CCL24: variants seen among roughly 807,000 people sequenced by gnomAD.
CCL24 encodes the protein C-C motif chemokine 24.
CCL24 carries 6 observed loss-of-function variants against 8.6 expected under a neutral mutation model. The ratio of observed to expected loss-of-function variants is 0.70; its 90% CI spans 0.38 to 1.38. CCL24 has a LOEUF of 1.38. CCL24 is among the 40% of genes most tolerant of loss of function. The pLI is 0.02. For synonymous variants in CCL24, 59 were observed against 52.7 expected (o/e 1.12, Z -0.52); for missense variants, 126 against 147.1 (o/e 0.86, Z 0.74).
chr7:75,814,896 C>T (rs781893297), upstream of CCL24, among the ~76,000 whole-genome samples: 28 of 152,064 alleles, frequency 1.8e-4, no homozygotes, highest in African/African-American at 3.4e-4. Context: ...CCCCTTCCCG[C>T]GCCGACCAGA....
At chr7:75,822,737 G>A (rs552539829) in intron 1 of CCL24, among the ~76,000 whole-genome samples, 1 of 152,200 alleles carries the variant, frequency 6.6e-6, no homozygotes, top group Non-Finnish European at 1.5e-5. Flanking sequence ...GTTGAGGCAT[G>A]AGAATTGCTT....
intron 2 of CCL24, among the ~76,000 whole-genome samples, chr7:75,812,930 G>GAAAA (rs782147186): frequency 5.1e-4 from 73 of 143,100 alleles, no homozygotes; most frequent in African/African-American, 1.3e-3. Context: ...TGTCTCAGGG[G>GAAAA]AAAAAAAAAA....
Position 75,813,420 on chromosome 7 carries a change from G to C in CCL24, c.77C>G (p.Ser26Cys), listed in dbSNP as rs1554533717. The C allele has an allele frequency of 1.9e-6, 3 of 1,600,462 alleles. No homozygotes were observed. The highest frequency in any genetic ancestry group is 2.7e-5 in the African/African-American group (2 of 74,600). ...VCAHHIIPTG[S>C]VVIPSPCCMF... ...GCAGCAGGGAGAGGGGATGACCACA[G>C]AGCCTAGAAGAGGAGAGAGAGAAGA... The change falls in exon 2 of 3, where the codon TCT becomes TGT. Residue 26 changes from serine to cysteine, a missense_variant. Coordinates refer to ENST00000222902, the MANE Select transcript of CCL24 (RefSeq NM_002991.3).
At position 75,819,290 on chromosome 7, in the gene CCL24, AAAAAAAAAAAAAAATATATATATAT is replaced by A. The variant is rs1216437490; in HGVS notation, c.-60+4007_-60+4031del. Reference sequence around the variant, plus strand: ...TCTCAAAAAAAAAAAAAAAAAAAAAAAAAAAAAAAAAAAATATATATATATATATATATATATATATATATATTCA... The same window carrying A: ...TCTCAAAAAAAAAAAAAAAAAAAAAAATATATATATATATATATATATTCA... On this transcript the variant is annotated intron_variant, in intron 1 of 3. Coordinates refer to the CCL24 transcript ENST00000416943. Among the ~76,000 whole-genome samples, 18 of 28,966 alleles carry A rather than the reference AAAAAAAAAAAAAAATATATATATAT, an allele frequency of 6.2e-4. 2 individuals carry two copies. Among genetic ancestry groups the A allele is most frequent in the East Asian group, 2.4e-3 (2 of 844 alleles). The allele number at this position is 28,966 out of a possible 152,430, so 19.0% of individuals were successfully genotyped here.
upstream of CCL24, among the ~76,000 whole-genome samples, chr7:75,815,354 A>G (rs1554534007): frequency 6.6e-6 from 1 of 151,340 alleles, no homozygotes; most frequent in Non-Finnish European, 1.5e-5. Context: ...AAAAAAAAAA[A>G]AGAAAGGCTG....
intron 2 of CCL24, 133 bp from the exon 3 acceptor site, chr7:75,812,097 C>T: frequency 1.5e-6 from 1 of 675,450 alleles, no homozygotes; most frequent in Non-Finnish European, 2.5e-6. Context: ...ATGTCATCTT[C>T]ATTTTTTGAC....
At chr7:75,812,476 A>G (rs11465307) in intron 2 of CCL24, among the ~76,000 whole-genome samples, 34,854 of 151,772 alleles carry the variant, frequency 0.23, 4,516 homozygotes, top group Non-Finnish European at 0.29. Flanking sequence ...GACACATGTC[A>G]GCCCACGTGA....
chr7:75,819,306 ATATATAT>A (rs1304796006), intron 1 of CCL24, among the ~76,000 whole-genome samples: 4 of 13,264 alleles, frequency 3.0e-4, no homozygotes, highest in African/African-American at 4.3e-4. Flanking sequence ...AAAAAAAAAT[ATATATAT>A]ATATATATAT....
chr7:75,811,884 G>C lies in CCL24; in HGVS notation c.272C>G (p.Ala91Gly). 2 of 1,611,798 alleles carry C rather than the reference G, an allele frequency of 1.2e-6. No homozygotes were observed. The highest frequency in any genetic ancestry group is 4.5e-5 in the East Asian group (2 of 44,682). Residue 91 changes from alanine (A) to glycine (G), a missense_variant, in exon 3 of 3, where the codon GCC becomes GGC. Coordinates refer to ENST00000222902, the MANE Select transcript of CCL24 (RefSeq NM_002991.3). ...WVQRYMKNLDAKQKKASPRAR... is the reference protein window; with the variant it reads ...WVQRYMKNLDGKQKKASPRAR... ...CCTAGGGGAAGCCTTCTTCTGCTTG[G>C]CGTCCAGGTTCTTCATGTACCTCTG...
chr7:75,817,770 T>A (rs1803923030), upstream of CCL24, among the ~76,000 whole-genome samples: 3 of 151,952 alleles, frequency 2.0e-5, no homozygotes, highest in Admixed American at 2.0e-4. Context: ...CCCAAAGTGC[T>A]GGGATTACAG....
chr7:75,813,250 TG>T, intron 2 of CCL24, 55 bp downstream of exon 2: 1 of 1,056,596 alleles, frequency 9.5e-7, no homozygotes, highest in Non-Finnish European at 1.5e-6. Flanking sequence ...TCAGGGACCC[TG>T]GAGTTGCACC....
rs1344147507 is a variant in CCL24 at position 75,813,403 on chromosome 7, G to T, written c.94C>A (p.Pro32Thr). 1 of 1,612,156 alleles carries T rather than the reference G, an allele frequency of 6.2e-7. No homozygotes were observed. The highest frequency in any genetic ancestry group is 1.1e-5 in the South Asian group (1 of 91,044). The part of the protein sequence containing the change: ...IPTGSVVIPS[P>T]CCMFFVSKRI... The stretch of plus-strand genomic sequence containing the variant: ...TTGGAAACAAAGAACATGCAGCAGG[G>T]AGAGGGGATGACCACAGAGCCTAGA... Residue 32 changes from proline to threonine, a missense_variant, in exon 2 of 3, where the codon CCC becomes ACC. Transcript: ENST00000222902.
intron 1 of CCL24, among the ~76,000 whole-genome samples, chr7:75,820,088 CCT>C (rs368702385): frequency 8.3e-5 from 11 of 132,010 alleles, no homozygotes; most frequent in Non-Finnish European, 1.5e-4. Flanking sequence ...TCTTCTTCTT[CCT>C]CTTCTTCTTC....
At chr7:75,822,101 CA>C (rs1437359817) in intron 1 of CCL24, among the ~76,000 whole-genome samples, 13 of 144,812 alleles carry the variant, frequency 9.0e-5, no homozygotes, top group East Asian at 2.0e-4. Context: ...GACTCCATCT[CA>C]AAAAAAAAAG....
Position 75,813,361 on chromosome 7 carries a change from G to A in CCL24, c.136C>T (p.Arg46Ter), listed in dbSNP as rs201399079. 170 of 1,613,674 alleles carry A rather than the reference G, an allele frequency of 1.1e-4. No homozygotes were observed. The highest frequency in any genetic ancestry group is 4.0e-4 in the African/African-American group (30 of 75,028). ...CTGGACAGCTGGTAGCTGACCACTC[G>A]GTTCTCAGGAATTCTCTTGGAAACA... ...FFVSKRIPEN[R>*]VVSYQLSSRS... is the part of the protein sequence containing the mutation. The change falls in exon 2 of 3, where the codon CGA becomes TGA. Residue 46 changes from arginine (R) to a stop codon, truncating the protein, a stop_gained. Coordinates refer to ENST00000222902, the MANE Select transcript of CCL24 (RefSeq NM_002991.3). LOFTEE classifies it high-confidence loss of function.
intron 1 of CCL24, among the ~76,000 whole-genome samples, chr7:75,820,133 C>T (rs142386129): frequency 0.15 from 11,859 of 76,822 alleles, 1,953 homozygotes; most frequent in East Asian, 0.31. Context: ...TTCTTCTTCT[C>T]CTCCTCCTCC....
intron 1 of CCL24, among the ~76,000 whole-genome samples, chr7:75,819,500 T>C (rs1475946240): frequency 6.7e-6 from 1 of 149,432 alleles, no homozygotes; most frequent in African/African-American, 2.5e-5. Context: ...CTGGGGTGCA[T>C]GCCTGTAGTC....
At chr7:75,814,610 T>C (rs545127936), upstream of CCL24, among the ~76,000 whole-genome samples, 32 of 151,240 alleles carry the variant, frequency 2.1e-4, no homozygotes, top group African/African-American at 7.3e-4. Flanking sequence ...CCATGACAAG[T>C]CTTGACAGAG....
At chr7:75,818,820 G>T (rs1803950596) in intron 1 of CCL24, among the ~76,000 whole-genome samples, 3 of 152,014 alleles carry the variant, frequency 2.0e-5, no homozygotes, top group East Asian at 1.9e-4. Context: ...TAGCGTGTTG[G>T]CCAGAGCGGC....
Sources: allele counts gnomAD v4.1 joint callset (sites outside exome capture counted in the v4.1 genomes callset), GRCh38; gene constraint gnomAD v4.1.1; transcripts MANE v1.5; gene names NCBI Gene and HGNC (gene_info 2026-07-23, HGNC 2026-07-21).